COG4: variants seen among roughly 807,000 people sequenced by gnomAD.
COG4 encodes component of oligomeric golgi complex 4.
A neutral mutation model predicts 95.1 loss-of-function variants in COG4; 65 were observed. That is an observed-to-expected ratio of 0.68 (90% CI 0.56 to 0.84). COG4 has a LOEUF of 0.84. COG4 is among the 40% of genes least tolerant of loss of function. The pLI is 0.00. For missense variants in COG4, 1,045 were observed against 989.1 expected (o/e 1.06, Z -0.76); for synonymous variants, 421 against 374.8 (o/e 1.12, Z -1.42).
chr16:70,501,013 C>A lies in COG4; in HGVS notation c.1140G>T (p.Arg380Ser), dbSNP rs151063921. The A allele has an allele frequency of 5.0e-6, 8 of 1,613,944 alleles. No individual in the cohort carries two copies. Among genetic ancestry groups the A allele is most frequent in the African/African-American group, 2.7e-5 (2 of 74,920 alleles). The change falls in exon 9 of 19, where the codon AGG (arginine) becomes AGT (serine). Residue 380 changes from arginine (R) to serine (S), a missense_variant. Arg to Ser is a moderately radical substitution (Grantham distance 110). Coordinates refer to ENST00000323786, the MANE Select transcript of COG4 (RefSeq NM_015386.3). ...CTCCCACCTCAAAATCAGAGCTAAT[C>A]CTCTTCTTGAGGAAGCGTAAGTATA... The part of the protein sequence containing the change: ...SELYLRFLKK[R>S]ISSDFEVGDS...
intron 13 of COG4, among the ~76,000 whole-genome samples, chr16:70,484,841 G>C (rs932986144): frequency 6.6e-6 from 1 of 152,134 alleles, no homozygotes; most frequent in African/African-American, 2.4e-5. Context: ...CAAGGTTGCA[G>C]AGAGCTATGA....
At chr16:70,517,817 C>G (rs1259134935) in intron 2 of COG4, 77 bp from the exon 3 acceptor site, 1 of 861,790 alleles carries the variant, frequency 1.2e-6, no homozygotes, top group East Asian at 2.4e-5. Flanking sequence ...CATATGGACA[C>G]TATGTCTTCT....
At chr16:70,520,294 T>A (rs1360440489) in intron 1 of COG4, among the ~76,000 whole-genome samples, 2 of 147,510 alleles carry the variant, frequency 1.4e-5, no homozygotes, top group East Asian at 4.0e-4. Flanking sequence ...ATACAAAAAA[T>A]TAGCCGGGTG....
At chr16:70,481,584 T>G in intron 17 of COG4, 97 bp from the exon 18 acceptor site, 1 of 1,567,910 alleles carries the variant, frequency 6.4e-7, no homozygotes, top group South Asian at 1.1e-5. Flanking sequence ...CCGCCAGGCC[T>G]CAGGTGGTGC....
In COG4 at chr16:70,523,531, T is replaced by C. The variant is rs756277654; in HGVS notation, c.13A>G (p.Met5Val). 3 of 1,613,818 alleles carry C rather than the reference T, an allele frequency of 1.9e-6. No homozygotes were observed. The highest frequency in any genetic ancestry group is 1.7e-6 in the Non-Finnish European group (2 of 1,180,022). The change falls in exon 1 of 19, where the codon ATG (methionine) becomes GTG (valine). Residue 5 changes from methionine to valine, a missense_variant. Met to Val is a conservative substitution (Grantham distance 21, BLOSUM62 1). Transcript: ENST00000323786. MGTK[M>V]ADLDSPPKLS... ...TTCGGAGGCGAATCAAGGTCCGCCA[T>C]CTTGGTCCCCATTCGGCACTTCCGG...
At chr16:70,520,494 T>G (rs1358151411) in intron 1 of COG4, among the ~76,000 whole-genome samples, 2 of 149,314 alleles carry the variant, frequency 1.3e-5, no homozygotes, top group African/African-American at 2.5e-5. Flanking sequence ...TAGCTGGGTG[T>G]GGTGGCGGGG....
intron 13 of COG4, among the ~76,000 whole-genome samples, chr16:70,488,389 A>G (rs1403526376): frequency 6.6e-6 from 1 of 152,102 alleles, no homozygotes; most frequent in Non-Finnish European, 1.5e-5. Flanking sequence ...GGCCTCCCAA[A>G]GTGCTGGGAT....
At chr16:70,504,678 A>G (rs9932939) in intron 8 of COG4, among the ~76,000 whole-genome samples, 17,773 of 150,736 alleles carry the variant, frequency 0.12, 3,507 homozygotes, top group African/African-American at 0.41. Context: ...TTGGGAGGCC[A>G]AGGCGGGTGG....
At chr16:70,509,881 T>C (rs1567390443) in intron 6 of COG4, 35 bp downstream of exon 6, 1 of 1,507,370 alleles carries the variant, frequency 6.6e-7, no homozygotes. Context: ...TCATATACAG[T>C]CTCCAGTCTC....
At chr16:70,486,589 A>T (rs568506714) in intron 13 of COG4, among the ~76,000 whole-genome samples, 1 of 152,356 alleles carries the variant, frequency 6.6e-6, no homozygotes, top group East Asian at 1.9e-4. Flanking sequence ...TTACTTGGCT[A>T]ATTCTACCAG....
At chr16:70,511,239 A>G (rs1257606802) in intron 5 of COG4, among the ~76,000 whole-genome samples, 3 of 152,210 alleles carry the variant, frequency 2.0e-5, no homozygotes, top group African/African-American at 7.2e-5. Context: ...TCCTCTGCTT[A>G]TACAAATATA....
Position 70,508,407 on chromosome 16 carries a change from T to C in COG4, c.1060A>G (p.Arg354Gly). ...TGAAGAAGAGAGAAGGATTATTACC[T>C]TGGTTCGATTTTTTCTGTTGTAGAA... ...RNSTTEKIEP[R>G]ELDPILTEVT... The change falls in exon 8 of 19, where the codon AGA becomes GGA. Residue 354 changes from arginine (R) to glycine (G), a missense_variant and splice_region_variant. By Grantham distance (125) the Arg-to-Gly change is moderately radical. Coordinates refer to ENST00000323786, the MANE Select transcript of COG4 (RefSeq NM_015386.3). 2 of 1,613,712 alleles carry C rather than the reference T, an allele frequency of 1.2e-6. No homozygotes were observed. The highest frequency in any genetic ancestry group is 1.7e-6 in the Non-Finnish European group (2 of 1,179,574).
intron 8 of COG4, among the ~76,000 whole-genome samples, chr16:70,505,115 T>C (rs1181215943): frequency 6.6e-6 from 1 of 152,160 alleles, no homozygotes; most frequent in Non-Finnish European, 1.5e-5. Context: ...ACTTTGCTTG[T>C]TGCCATATCA....
At chr16:70,482,846 T>C (rs776249323) in intron 14 of COG4, 25 bp from the exon 15 acceptor site, 7 of 1,591,418 alleles carry the variant, frequency 4.4e-6, no homozygotes, top group Middle Eastern at 3.3e-4. Context: ...GGTGGAGACA[T>C]GTGACACAGA....
rs1465053681 is a variant in COG4, at chr16:70,483,846, G to A, written c.1827+7C>T. 3.1e-6 allele frequency: 5 copies of A among 1,603,268 alleles called. No individual in the cohort carries two copies. The highest frequency in any genetic ancestry group is 3.4e-6 in the Non-Finnish European group (4 of 1,170,666). On this transcript the variant is annotated splice_region_variant and intron_variant, in intron 14 of 18. Transcript: ENST00000323786. ...GGATTCAGTCAGCAGTTGAACCTGGGGCTTACCTGCAAGAGGTCTCGGAAT... is the reference window on the plus strand; with the variant it reads ...GGATTCAGTCAGCAGTTGAACCTGGAGCTTACCTGCAAGAGGTCTCGGAAT...
chr16:70,481,583 C>A (rs2048993633), intron 17 of COG4, 96 bp from the exon 18 acceptor site: 16 of 1,572,424 alleles, frequency 1.0e-5, no homozygotes, highest in Non-Finnish European at 1.3e-5. Context: ...CCCGCCAGGC[C>A]TCAGGTGGTG....
chr16:70,499,939 C>T (rs1158505054), intron 9 of COG4, among the ~76,000 whole-genome samples: 3 of 151,944 alleles, frequency 2.0e-5, no homozygotes, highest in Non-Finnish European at 2.9e-5. Flanking sequence ...GGATTACAGG[C>T]GTGAGCCACC....
intron 5 of COG4, among the ~76,000 whole-genome samples, chr16:70,511,197 G>A (rs2049696313): frequency 6.6e-6 from 1 of 152,190 alleles, no homozygotes; most frequent in Admixed American, 6.6e-5. Flanking sequence ...ATTTTCTTCA[G>A]AGGTGACCAT....
At chr16:70,516,336 G>A (rs143516554) in intron 3 of COG4, among the ~76,000 whole-genome samples, 37 of 148,694 alleles carry the variant, frequency 2.5e-4, no homozygotes, top group African/African-American at 8.9e-4. Context: ...TCTCTCTGTC[G>A]CCCAGGCTGG....
Sources: gnomAD v4.1 joint callset for allele counts (sites outside exome capture counted in the v4.1 genomes callset) on GRCh38, gnomAD v4.1.1 for gene constraint, MANE v1.5 for transcripts, NCBI Gene and HGNC (gene_info 2026-07-23, HGNC 2026-07-21) for gene names.